Variants in COBL observed in about 807,000 individuals in gnomAD.
COBL encodes cordon-bleu WH2 repeat protein.
A neutral mutation model predicts 98.8 loss-of-function variants in COBL; 51 were observed. The observed-to-expected ratio is 0.52, with a 90% CI of 0.41 to 0.65. The LOEUF (loss-of-function observed/expected upper bound fraction) is 0.65, where lower values mean the gene tolerates loss of function less well. Among genes scored for constraint, COBL ranks in the 30% least tolerant of loss-of-function variants. The probability of loss-of-function intolerance (pLI) is 0.00; values close to 1 mark genes in which losing one functional copy is unlikely to be tolerated. For synonymous variants in COBL, 634 were observed against 651.7 expected, an observed-to-expected ratio of 0.97 and a Z score of 0.41; for missense variants, 1,617 against 1,617.5, an observed-to-expected ratio of 1.00 and a Z score of 0.01.
At chr7:51,295,117 T>C (rs1801301814) in intron 1 of COBL, among the ~76,000 whole-genome samples, 1 of 151,778 alleles carries the variant, frequency 6.6e-6, no homozygotes, top group Admixed American at 6.6e-5. Context: ...TGAAACCCCA[T>C]CTCTACAAAA....
At chr7:51,035,297 A>C (rs1307464324) in intron 8 of COBL, 2 of 152,204 alleles carry the variant, frequency 1.3e-5, no homozygotes, top group African/African-American at 2.4e-5. Context: ...GAAATGTACA[A>C]GATGGGTTCA....
At chr7:51,283,856 T>A (rs1349878653) in intron 1 of COBL, among the ~76,000 whole-genome samples, 1 of 151,990 alleles carries the variant, frequency 6.6e-6, no homozygotes, top group Admixed American at 6.6e-5. Flanking sequence ...CCAATTTTAC[T>A]AAGCATTTAA....
chr7:51,100,978 G>T (rs956235635), intron 6 of COBL, among the ~76,000 whole-genome samples: 4 of 151,952 alleles, frequency 2.6e-5, no homozygotes, highest in African/African-American at 7.3e-5. Flanking sequence ...TACCCAACTT[G>T]AAAAAGCAAT....
intron 12 of COBL, among the ~76,000 whole-genome samples, chr7:51,019,707 T>C (rs1786733513): frequency 6.6e-6 from 1 of 151,666 alleles, no homozygotes; most frequent in African/African-American, 2.4e-5. Context: ...ACGCAAAGAG[T>C]CTGCAAAGAC....
chr7:51,208,199 G>A (rs183386395), intron 2 of COBL, among the ~76,000 whole-genome samples: 6 of 146,802 alleles, frequency 4.1e-5, no homozygotes, highest in African/African-American at 1.3e-4. Flanking sequence ...CCTGGCAACC[G>A]CCCCGTCTGA....
chr7:51,017,670 T>C, intron 12 of COBL, 102 bp from the exon 13 acceptor site: 1 of 1,227,778 alleles, frequency 8.1e-7, no homozygotes, highest in Admixed American at 1.7e-5. Flanking sequence ...CTTGCAATAG[T>C]ACTCCTGGAA....
chr7:51,043,418 C>T lies in COBL; in HGVS notation c.1371G>A (p.Leu457=), dbSNP rs1311933234. 3 of 1,614,090 alleles carry T rather than the reference C, an allele frequency of 1.9e-6. No homozygotes were observed. The highest frequency in any genetic ancestry group is 3.3e-5 in the Admixed American group (2 of 60,012). The change falls in exon 8 of 13, where the codon TTG becomes TTA. Residue 457 remains leucine, a synonymous_variant. Transcript: ENST00000265136. ...TPDLGPQKSP[L]WEKNGSENSH... ...AGTTCTCAGAGCCATTCTTCTCCCACAAGGGGCTCTTCTGGGGACCCAGGT... is the reference window on the plus strand; with the variant it reads ...AGTTCTCAGAGCCATTCTTCTCCCATAAGGGGCTCTTCTGGGGACCCAGGT...
chr7:51,081,411 C>T (rs999332505), intron 7 of COBL, among the ~76,000 whole-genome samples: 4 of 152,216 alleles, frequency 2.6e-5, no homozygotes, highest in African/African-American at 9.6e-5. Context: ...GTCTGGTTTT[C>T]TCTCCGCCAC....
rs891337463 is a variant in COBL at position 51,017,463 on chromosome 7, C to T, written c.*88G>A. ...TGTAGACAAGAAAGTAACACCAAAA[C>T]TTGATGTTCCTGGCTATGCAGACTC... On this transcript the variant is annotated 3_prime_UTR_variant, in exon 13 of 13. Transcript: ENST00000265136. 1 of 1,388,566 alleles carries T rather than the reference C, an allele frequency of 7.2e-7. No individual in the cohort carries two copies. The highest frequency in any genetic ancestry group is 1.4e-5 in the African/African-American group (1 of 70,252). The allele number at this position is 1,388,566 out of a possible 1,614,324, so 86.0% of individuals were successfully genotyped here. A position where few individuals can be genotyped will look rare whatever the true frequency, so the allele number is the denominator to read the frequency against.
chr7:51,240,550 T>A (rs201247296), intron 1 of COBL, among the ~76,000 whole-genome samples: 2 of 149,632 alleles, frequency 1.3e-5, no homozygotes, highest in Non-Finnish European at 3.0e-5. Context: ...ATTTTTTTTT[T>A]ATTTTATTTT....
chr7:51,212,952 ATG>A (rs1308807205), intron 2 of COBL, among the ~76,000 whole-genome samples: 3 of 152,250 alleles, frequency 2.0e-5, no homozygotes, highest in Non-Finnish European at 2.9e-5. Context: ...CTTAGTATGT[ATG>A]TGTTAAGTAA....
chr7:51,169,843 T>C (rs144524466), intron 5 of COBL, among the ~76,000 whole-genome samples: 1,723 of 152,364 alleles, frequency 0.011, 16 homozygotes, highest in Non-Finnish European at 0.017. Flanking sequence ...AGAGTGTAAC[T>C]GAATTGTTTG....
intron 1 of COBL, among the ~76,000 whole-genome samples, chr7:51,253,514 A>T (rs1388868123): frequency 6.6e-6 from 1 of 152,210 alleles, no homozygotes; most frequent in African/African-American, 2.4e-5. Context: ...ACTGTAGTTA[A>T]TGTAACTATT....
rs1787429916 is a variant in COBL at position 51,025,261 on chromosome 7, T to C, written c.3616A>G (p.Ile1206Val). The change falls in exon 12 of 13, where the codon ATT becomes GTT. Residue 1206 changes from isoleucine to valine, a missense_variant. Physicochemically the swap from Ile to Val is conservative, Grantham distance 29 (BLOSUM62 3). Around this residue, in one of 3 missense-constraint regions of COBL, gnomAD observed 1,304 missense variants for 1,282.0 expected, o/e 1.02. Transcript: ENST00000265136. The part of the protein sequence containing the change: ...EDLGLLSPPA[I>V]PPPPPPPSQA... ...GAGGGTGGAGGGGGTGGTGGGGGAA[T>C]GGCTGGTGGGGACAGAAGACCAAGG... is the stretch of plus-strand genomic sequence containing the variant. 7.6e-7 allele frequency: 1 copy of C among 1,324,232 alleles called. No homozygotes were observed. Among genetic ancestry groups the C allele is most frequent in the Middle Eastern group, 2.6e-4 (1 of 3,906 alleles). The allele number at this position is 1,324,232 out of a possible 1,614,324, so 82.0% of individuals were successfully genotyped here.
At chr7:51,192,182 G>GTAA (rs1451125114) in intron 3 of COBL, among the ~76,000 whole-genome samples, 1 of 152,160 alleles carries the variant, frequency 6.6e-6, no homozygotes, top group East Asian at 1.9e-4. Flanking sequence ...ATCAATCCTA[G>GTAA]AAATTAATAG....
chr7:51,174,160 G>A (rs989895178), intron 5 of COBL, among the ~76,000 whole-genome samples: 4 of 152,116 alleles, frequency 2.6e-5, no homozygotes, highest in Non-Finnish European at 5.9e-5. Context: ...GTGATTAATG[G>A]CAAGGACTTT....
At chr7:51,316,469 A>T (rs1187731157) in intron 1 of COBL, 124 bp downstream of exon 1, 7 of 674,224 alleles carry the variant, frequency 1.0e-5, no homozygotes, top group Non-Finnish European at 1.4e-5. Context: ...CTGCTCCACC[A>T]CTACCACCAG....
At chr7:51,018,905 A>ACATATATAT (rs1424809864) in intron 12 of COBL, among the ~76,000 whole-genome samples, 1 of 34,446 alleles carries the variant, frequency 2.9e-5, no homozygotes, top group Non-Finnish European at 5.3e-5. Context: ...AAAAAAAAAA[A>ACATATATAT]ATATATATAT....
At chr7:51,174,429 A>G (rs1018102772) in intron 5 of COBL, among the ~76,000 whole-genome samples, 1 of 152,218 alleles carries the variant, frequency 6.6e-6, no homozygotes, top group African/African-American at 2.4e-5. Context: ...AGACTGAAGA[A>G]GGGATGTCTA....
Sources: gnomAD v4.1 joint callset for allele counts (sites outside exome capture counted in the v4.1 genomes callset) on GRCh38, gnomAD v4.1.1 for gene constraint, gnomAD v4.1.1 regional missense constraint, MANE v1.5 for transcripts, NCBI Gene and HGNC (gene_info 2026-07-23, HGNC 2026-07-21) for gene names.